Variants in BTLA observed in about 807,000 individuals in gnomAD.
BTLA encodes the protein B- and T-lymphocyte attenuator.
In BTLA, 11 loss-of-function variants were observed where a neutral mutation model predicts 25.0. The observed-to-expected ratio is 0.44, with a 90% CI of 0.28 to 0.73. The LOEUF is 0.73. Among genes scored for constraint, BTLA ranks in the 30% least tolerant of loss-of-function variants. The pLI is 0.15. For missense variants in BTLA, 282 were observed against 332.8 expected, an observed-to-expected ratio of 0.85 and a Z score of 1.19; for synonymous variants, 104 against 119.8, an observed-to-expected ratio of 0.87 and a Z score of 0.86.
chr3:112,471,902 G>T (rs967423084), intron 2 of BTLA, among the ~76,000 whole-genome samples: 1 of 152,162 alleles, frequency 6.6e-6, no homozygotes, highest in Admixed American at 6.5e-5. Context: ...CAGCTAATGC[G>T]CATTACTATT....
chr3:112,478,801 CT>C (rs942934894), intron 2 of BTLA, among the ~76,000 whole-genome samples: 6 of 152,110 alleles, frequency 3.9e-5, no homozygotes, highest in East Asian at 1.9e-4. Context: ...TACTCCCCCC[CT>C]ATGTATTTTT....
chr3:112,469,328 T>C (rs2082247360), intron 4 of BTLA, among the ~76,000 whole-genome samples: 2 of 152,102 alleles, frequency 1.3e-5, no homozygotes, highest in Admixed American at 6.6e-5. Flanking sequence ...AATCATTTTA[T>C]GAGGTTATTT....
At chr3:112,493,512 CTG>C (rs2082391375) in intron 1 of BTLA, among the ~76,000 whole-genome samples, 6 of 152,060 alleles carry the variant, frequency 3.9e-5, no homozygotes, top group African/African-American at 9.7e-5. Context: ...ACAGTTCTCT[CTG>C]TTTTTTTTTG....
chr3:112,474,367 A>T (rs2082278337), intron 2 of BTLA, among the ~76,000 whole-genome samples: 2 of 152,092 alleles, frequency 1.3e-5, no homozygotes, highest in Admixed American at 6.6e-5. Context: ...TTTTTCTTTG[A>T]CCCTCCCTGT....
intron 3 of BTLA, 98 bp downstream of exon 3, chr3:112,471,114 A>G: frequency 7.3e-7 from 1 of 1,362,940 alleles, no homozygotes; most frequent in Non-Finnish European, 9.9e-7. Context: ...CAGGATTGGG[A>G]AAGAAAACAA....
At chr3:112,474,610 T>C (rs1239724020) in intron 2 of BTLA, among the ~76,000 whole-genome samples, 5 of 152,016 alleles carry the variant, frequency 3.3e-5, no homozygotes, top group East Asian at 1.9e-4. Context: ...AAGGAAATGA[T>C]AAATGAGAGG....
chr3:112,471,496 G>A (rs112110343), intron 2 of BTLA, 141 bp from the exon 3 acceptor site: 10 of 889,122 alleles, frequency 1.1e-5, no homozygotes, highest in African/African-American at 1.0e-4. Context: ...CATTCCTCAA[G>A]AATCCCAGTG....
chr3:112,488,445 A>G lies in BTLA; in HGVS notation c.89-8676T>C, dbSNP rs2082361672. On this transcript the variant is annotated intron_variant, in intron 1 of 4. Coordinates refer to ENST00000334529, the MANE Select transcript of BTLA (RefSeq NM_181780.4). ...TACCCGGTTAACCAGGATGGTCTCGATCTCCTGACCTCGTGATCCGCCCGC... is the reference window on the plus strand; with the variant it reads ...TACCCGGTTAACCAGGATGGTCTCGGTCTCCTGACCTCGTGATCCGCCCGC... Among the ~76,000 whole-genome samples, 3 of 152,160 alleles carry G rather than the reference A, an allele frequency of 2.0e-5. No individual in the cohort carries two copies. In the South Asian group the frequency reaches 6.2e-4, roughly 32 times the overall value.
Position 112,464,098 on chromosome 3 carries a change from T to G in BTLA, c.*2010A>C, listed in dbSNP as rs1452112745. ...CTCTATAAACTAATGAAATAAGCCATGTAAATAATAGTGAAGTAGAGTCAT... is the reference window on the plus strand; with the variant it reads ...CTCTATAAACTAATGAAATAAGCCAGGTAAATAATAGTGAAGTAGAGTCAT... On this transcript the variant is annotated 3_prime_UTR_variant, in exon 5 of 5. Transcript: ENST00000334529. 1 of 397,788 alleles carries G rather than the reference T, an allele frequency of 2.5e-6. No individual in the cohort carries two copies. The highest frequency in any genetic ancestry group is 2.1e-5 in the African/African-American group (1 of 48,604). The allele number at this position is 397,788 out of a possible 1,614,324, so 24.6% of individuals were successfully genotyped here. A position where few individuals can be genotyped will look rare whatever the true frequency, so the allele number is the denominator to read the frequency against.
Position 112,465,943 on chromosome 3 carries a change from T to C in BTLA, c.*165A>G. The stretch of plus-strand genomic sequence containing the variant: ...CTCCCAAATAAGTTTCTGAGAGAAA[T>C]TTTAATCATTTATCCTATGGACCCT... On this transcript the variant is annotated 3_prime_UTR_variant, in exon 5 of 5. Coordinates refer to ENST00000334529, the MANE Select transcript of BTLA (RefSeq NM_181780.4). The C allele has an allele frequency of 1.5e-6, 1 of 666,342 alleles. No individual in the cohort carries two copies. 41.3% of individuals were successfully genotyped at this position (666,342 alleles called of 1,614,324 possible).
intron 2 of BTLA, among the ~76,000 whole-genome samples, chr3:112,475,471 G>C (rs1005375387): frequency 6.6e-6 from 1 of 152,156 alleles, no homozygotes; most frequent in South Asian, 2.1e-4. Context: ...AAAATAGATA[G>C]ATTGTTGATC....
chr3:112,467,196 G>T (rs1271311228), intron 4 of BTLA, among the ~76,000 whole-genome samples: 2 of 152,032 alleles, frequency 1.3e-5, no homozygotes, highest in Admixed American at 1.3e-4. Context: ...TCCTGACCTC[G>T]TGATCCGCCC....
chr3:112,492,911 C>A (rs2082387574), intron 1 of BTLA, among the ~76,000 whole-genome samples: 1 of 152,168 alleles, frequency 6.6e-6, no homozygotes, highest in African/African-American at 2.4e-5. Context: ...AAGAGCTCTG[C>A]CAGCTAAACT....
Position 112,469,954 on chromosome 3 carries a change from G to C in BTLA, c.548-150C>G, listed in dbSNP as rs914309269. The stretch of plus-strand genomic sequence containing the variant: ...TGCTTTGCCTAGCACACACTTGTTT[G>C]TGATAATTCACACTGACCAGCTCTC... On this transcript the variant is annotated intron_variant, in intron 3 of 4. Transcript: ENST00000334529. 14 of 595,652 alleles carry C rather than the reference G, an allele frequency of 2.4e-5. No individual in the cohort carries two copies. The South Asian group carries it at 2.7e-4, about 11-fold the overall frequency. 36.9% of individuals were successfully genotyped at this position (595,652 alleles called of 1,614,324 possible). A position where few individuals can be genotyped will look rare whatever the true frequency, so the allele number is the denominator to read the frequency against.
At chr3:112,484,100 C>T (rs1044953433) in intron 1 of BTLA, among the ~76,000 whole-genome samples, 4 of 152,022 alleles carry the variant, frequency 2.6e-5, no homozygotes, top group African/African-American at 7.3e-5. Flanking sequence ...GCAATCAGAG[C>T]AGTGCATGGG....
At chr3:112,466,533 C>G in intron 4 of BTLA, 150 bp from the exon 5 acceptor site, 1 of 656,036 alleles carries the variant, frequency 1.5e-6, no homozygotes, top group East Asian at 3.1e-5. Flanking sequence ...GACATCTACA[C>G]TTTCAGCTAA....
In BTLA at chr3:112,470,196, C is replaced by T. The variant is rs551490040; in HGVS notation, c.548-392G>A. 21 of 155,484 alleles carry T rather than the reference C, an allele frequency of 1.4e-4. No individual in the cohort carries two copies. The South Asian group carries it at 3.8e-3, about 28-fold the overall frequency. 9.6% of individuals were successfully genotyped at this position (155,484 alleles called of 1,614,324 possible). ...GGTAAATCAAAAGATTTATCCCTGA[C>T]TCCTTTTCTGAAGTTCTGAGAGAGG... On this transcript the variant is annotated intron_variant, in intron 3 of 4. Transcript: ENST00000334529.
intron 1 of BTLA, among the ~76,000 whole-genome samples, chr3:112,489,066 G>A (rs185612134): frequency 2.6e-5 from 4 of 152,284 alleles, no homozygotes; most frequent in Admixed American, 2.0e-4. Flanking sequence ...AGGCACTGAG[G>A]TGAAGAACAT....
intron 1 of BTLA, among the ~76,000 whole-genome samples, chr3:112,483,217 C>T (rs1462540206): frequency 1.5e-5 from 2 of 137,624 alleles, no homozygotes; most frequent in Non-Finnish European, 3.0e-5. Flanking sequence ...GGCATGATCT[C>T]GGCTCACCGT....
Sources: gnomAD v4.1 joint callset for allele counts (sites outside exome capture counted in the v4.1 genomes callset) on GRCh38, gnomAD v4.1.1 for gene constraint, MANE v1.5 for transcripts, NCBI Gene and HGNC (gene_info 2026-07-23, HGNC 2026-07-21) for gene names.